The following ARFGEF3 variants were observed in gnomAD, a reference collection of about 807,000 sequenced individuals.
The protein encoded by ARFGEF3 is brefeldin A-inhibited guanine nucleotide-exchange protein 3.
ARFGEF3 carries 96 observed loss-of-function variants against 221.7 expected under a neutral mutation model. The observed-to-expected ratio is 0.43, with a 90% CI of 0.37 to 0.51. ARFGEF3 has a LOEUF of 0.51. Among genes scored for constraint, ARFGEF3 ranks in the 20% least tolerant of loss-of-function variants. The probability of loss-of-function intolerance (pLI) is 0.00; values close to 1 mark genes in which losing one functional copy is unlikely to be tolerated. For missense variants in ARFGEF3, 2,410 were observed against 2,789.9 expected, an observed-to-expected ratio of 0.86 and a Z score of 3.07; for synonymous variants, 1,145 against 1,126.8, an observed-to-expected ratio of 1.02 and a Z score of -0.32.
intron 6 of ARFGEF3, among the ~76,000 whole-genome samples, chr6:138,240,118 C>T (rs1011097393): frequency 2.6e-5 from 4 of 152,024 alleles, no homozygotes. Flanking sequence ...ATTACTTTAG[C>T]TTACAGCTTG....
chr6:138,213,861 TAAC>T (rs1312750446), intron 4 of ARFGEF3, among the ~76,000 whole-genome samples: 5 of 152,214 alleles, frequency 3.3e-5, no homozygotes, highest in Non-Finnish European at 7.3e-5. Flanking sequence ...AATGACAAGA[TAAC>T]TATACTTTGG....
intron 4 of ARFGEF3, among the ~76,000 whole-genome samples, 151 bp downstream of exon 4, chr6:138,210,192 C>T (rs1340781014): frequency 6.6e-6 from 1 of 152,160 alleles, no homozygotes; most frequent in African/African-American, 2.4e-5. Flanking sequence ...CATGGTCCCC[C>T]TAAATTACCC....
intron 12 of ARFGEF3, among the ~76,000 whole-genome samples, chr6:138,273,997 G>A (rs1339026005): frequency 2.6e-5 from 4 of 152,170 alleles, no homozygotes; most frequent in African/African-American, 9.7e-5. Flanking sequence ...CTGCAACAAA[G>A]GTAACCTGAC....
chr6:138,184,572 G>A (rs559269771), intron 2 of ARFGEF3, among the ~76,000 whole-genome samples: 8 of 152,336 alleles, frequency 5.3e-5, no homozygotes, highest in African/African-American at 1.2e-4. Context: ...TCCTCGTCCT[G>A]TGAATATAAA....
intron 4 of ARFGEF3, among the ~76,000 whole-genome samples, chr6:138,226,056 T>C (rs1337179100): frequency 6.6e-6 from 1 of 152,204 alleles, no homozygotes; most frequent in Non-Finnish European, 1.5e-5. Flanking sequence ...CATGTCTCAT[T>C]TGTGGCCCTG....
chr6:138,323,611 G>GA (rs1219380532), intron 29 of ARFGEF3, 60 bp from the exon 30 acceptor site: 7 of 1,533,260 alleles, frequency 4.6e-6, no homozygotes, highest in East Asian at 2.3e-5. Context: ...AACTCCATCT[G>GA]AAAAAAACAA....
intron 2 of ARFGEF3, among the ~76,000 whole-genome samples, chr6:138,197,842 A>C (rs1777458985): frequency 6.6e-6 from 1 of 152,196 alleles, no homozygotes; most frequent in South Asian, 2.1e-4. Context: ...AAGCTTAAGA[A>C]GTATTTTCTT....
At chr6:138,182,039 A>G (rs969905370) in intron 2 of ARFGEF3, among the ~76,000 whole-genome samples, 2 of 152,150 alleles carry the variant, frequency 1.3e-5, no homozygotes, top group African/African-American at 4.8e-5. Context: ...GGTGCAGACT[A>G]GAATCATGTG....
chr6:138,222,795 T>C (rs1375879265), intron 4 of ARFGEF3, among the ~76,000 whole-genome samples: 1 of 152,160 alleles, frequency 6.6e-6, no homozygotes, highest in Non-Finnish European at 1.5e-5. Context: ...AGTGGTAAAG[T>C]ATGAGATTTA....
intron 2 of ARFGEF3, among the ~76,000 whole-genome samples, chr6:138,177,444 A>G (rs1776977042): frequency 6.6e-6 from 1 of 152,064 alleles, no homozygotes; most frequent in African/African-American, 2.4e-5. Flanking sequence ...CAGTCTAATT[A>G]TAATATGCTG....
chr6:138,248,045 G>A (rs1778516921), intron 8 of ARFGEF3, among the ~76,000 whole-genome samples: 1 of 152,214 alleles, frequency 6.6e-6, no homozygotes, highest in South Asian at 2.1e-4. Context: ...ATTGGGTGCT[G>A]TCAGAAAGTA....
intron 14 of ARFGEF3, among the ~76,000 whole-genome samples, chr6:138,283,480 A>G (rs764458621): frequency 6.6e-6 from 1 of 152,232 alleles, no homozygotes; most frequent in South Asian, 2.1e-4. Context: ...TAAGAATTCA[A>G]CAAAATAAGG....
At chr6:138,165,759 G>T (rs573368765) in intron 1 of ARFGEF3, among the ~76,000 whole-genome samples, 1 of 152,278 alleles carries the variant, frequency 6.6e-6, no homozygotes, top group South Asian at 2.1e-4. Context: ...AGGAGAGAGG[G>T]TCATCCGACT....
At chr6:138,228,406 C>T (rs916459163) in intron 4 of ARFGEF3, among the ~76,000 whole-genome samples, 3 of 149,770 alleles carry the variant, frequency 2.0e-5, no homozygotes, top group Non-Finnish European at 4.4e-5. Context: ...AGGCTGGTCT[C>T]GAACTCCTAA....
At chr6:138,250,548 C>A (rs1778560932) in intron 8 of ARFGEF3, among the ~76,000 whole-genome samples, 1 of 152,196 alleles carries the variant, frequency 6.6e-6, no homozygotes, top group Non-Finnish European at 1.5e-5. Context: ...TCTCTCCTTT[C>A]TTTAACTAAA....
rs560450001 is a variant in ARFGEF3, at chr6:138,338,274, G to A, written c.*1788G>A. On this transcript the variant is annotated 3_prime_UTR_variant, in exon 34 of 34. Transcript: ENST00000251691. The stretch of plus-strand genomic sequence containing the variant: ...TTTGAATTTTTACATTTTATAAATG[G>A]AATTGAAAGTTGGATAACTGCTTTT... 4 of 152,312 alleles carry A rather than the reference G, an allele frequency of 2.6e-5. No homozygotes were observed. The highest frequency in any genetic ancestry group is 9.6e-5 in the African/African-American group (4 of 41,568). 9.4% of individuals were successfully genotyped at this position (152,312 alleles called of 1,614,324 possible).
rs1450189189 is a variant in ARFGEF3, at chr6:138,339,082, C to T, written c.*2596C>T. ...ACTCAGTCCTAACATACTCTGCACT[C>T]GAGTTACCAGCCATCCACACTGACA... On this transcript the variant is annotated 3_prime_UTR_variant, in exon 34 of 34. Transcript: ENST00000251691. 3 of 152,260 alleles carry T rather than the reference C, an allele frequency of 2.0e-5. No individual in the cohort carries two copies. Among genetic ancestry groups the T allele is most frequent in the Non-Finnish European group, 2.9e-5 (2 of 68,118 alleles). The allele number at this position is 152,260 out of a possible 1,614,324, so 9.4% of individuals were successfully genotyped here. A position where few individuals can be genotyped will look rare whatever the true frequency, so the allele number is the denominator to read the frequency against.
chr6:138,302,671 G>A (rs1779648222), intron 22 of ARFGEF3, among the ~76,000 whole-genome samples: 1 of 152,170 alleles, frequency 6.6e-6, no homozygotes, highest in African/African-American at 2.4e-5. Flanking sequence ...AGGAACTAAT[G>A]CTAGGATTAA....
In ARFGEF3 at chr6:138,264,997, G is replaced by A. The variant is rs571775915; in HGVS notation, c.2128+1386G>A. 1.1e-4 allele frequency among the ~76,000 whole-genome samples: 17 copies of A among 150,162 alleles called. 1 individual carries two copies. The highest frequency in any genetic ancestry group is 1.2e-4 in the African/African-American group (5 of 40,740). On this transcript the variant is annotated intron_variant, in intron 12 of 33. Coordinates refer to ENST00000251691, the MANE Select transcript of ARFGEF3 (RefSeq NM_020340.5). ...CGGCTCACTGCAAGCTCCGCCTCCC[G>A]GGTTCATGCCATTCTCCTGCCTCAG...
Sources: gnomAD v4.1 joint callset for allele counts (sites outside exome capture counted in the v4.1 genomes callset) on GRCh38, gnomAD v4.1.1 for gene constraint, MANE v1.5 for transcripts, NCBI Gene and HGNC (gene_info 2026-07-23, HGNC 2026-07-21) for gene names.